TSBP1: variants seen among roughly 807,000 people sequenced by gnomAD.
The protein encoded by TSBP1 is testis-expressed basic protein 1.
TSBP1 carries 56 observed loss-of-function variants against 68.8 expected under a neutral mutation model. The ratio of observed to expected loss-of-function variants is 0.81; its 90% CI spans 0.66 to 1.02. The LOEUF (loss-of-function observed/expected upper bound fraction) is 1.02, where lower values mean the gene tolerates loss of function less well. TSBP1 is among the 50% of genes least tolerant of loss of function. The pLI is 0.00. For missense variants in TSBP1, 502 were observed against 641.2 expected, an observed-to-expected ratio of 0.78 and a Z score of 2.34; for synonymous variants, 171 against 208.7, an observed-to-expected ratio of 0.82 and a Z score of 1.56.
intron 9 of TSBP1, among the ~76,000 whole-genome samples, chr6:32,342,020 A>C (rs1288750708): frequency 6.7e-6 from 1 of 150,230 alleles, no homozygotes; most frequent in African/African-American, 2.4e-5. Context: ...CATTCCTGTC[A>C]CAGTCTTCCC....
chr6:32,330,190 C>T (rs920089497), intron 16 of TSBP1, among the ~76,000 whole-genome samples: 18 of 152,240 alleles, frequency 1.2e-4, no homozygotes, highest in African/African-American at 4.1e-4. Flanking sequence ...TGTCTTTTCT[C>T]CCTTTTGTAT....
At chr6:32,346,621 T>G (rs1284715846) in intron 9 of TSBP1, among the ~76,000 whole-genome samples, 4 of 152,168 alleles carry the variant, frequency 2.6e-5, no homozygotes, top group Admixed American at 1.3e-4. Flanking sequence ...GCAAATCACT[T>G]GAGGCCAGGA....
At chr6:32,324,482 T>A (rs1183217487) in intron 16 of TSBP1, 1 of 826,572 alleles carries the variant, frequency 1.2e-6, no homozygotes, top group South Asian at 1.5e-5. Flanking sequence ...AAATTGATAG[T>A]CTTAAAACTT....
At chr6:32,371,512 A>G (rs1389583651) in intron 1 of TSBP1, among the ~76,000 whole-genome samples, 182 bp downstream of exon 1, 1 of 152,210 alleles carries the variant, frequency 6.6e-6, no homozygotes, top group East Asian at 1.9e-4. Flanking sequence ...GAGCTTAGTT[A>G]ACTGTGGGTT....
Position 32,292,898 on chromosome 6 carries a change from G to T in TSBP1, c.*83C>A. On this transcript the variant is annotated 3_prime_UTR_variant, in exon 23 of 23. Transcript: ENST00000612031. The surrounding 1 kb of genome is among the most constrained non-coding windows in gnomAD (Gnocchi z 4.1). The stretch of plus-strand genomic sequence containing the variant: ...GGATTTTATAATTGTAATCTGTTTA[G>T]GCAATGGCTGGGATATGGTTTGTAT... The T allele has an allele frequency of 1.3e-6, 1 of 799,106 alleles. No individual in the cohort carries two copies. The highest frequency in any genetic ancestry group is 2.1e-6 in the Non-Finnish European group (1 of 487,434). The allele number at this position is 799,106 out of a possible 1,614,324, so 49.5% of individuals were successfully genotyped here.
intron 21 of TSBP1, 93 bp downstream of exon 24, chr6:32,300,585 GGT>G: frequency 9.9e-7 from 1 of 1,008,260 alleles, no homozygotes; most frequent in Non-Finnish European, 1.6e-6. Context: ...ACTGCTGTAA[GGT>G]AGAGGAACTC....
rs1562197648 is a variant in TSBP1 at position 32,366,315 on chromosome 6, A to G, written c.167-13T>C. On this transcript the variant is annotated splice_polypyrimidine_tract_variant and intron_variant, in intron 4 of 22. Transcript: ENST00000612031. ...GCATGTCGGGATCCTAAAAGAGAAG[A>G]TAAAAACATAATGAGATTTTACTTC... The G allele has an allele frequency of 6.3e-7, 1 of 1,596,696 alleles. No homozygotes were observed. The highest frequency in any genetic ancestry group is 8.5e-7 in the Non-Finnish European group (1 of 1,170,084).
At chr6:32,324,387 T>C (rs759756718) in intron 16 of TSBP1, 1 of 612,792 alleles carries the variant, frequency 1.6e-6, no homozygotes. Flanking sequence ...GCTTTGAAAT[T>C]TTGTAAAATT....
At position 32,333,306 on chromosome 6, in the gene TSBP1, TTA is replaced by T. The variant is rs1311310409; in HGVS notation, c.473-1254_473-1253del. Among the ~76,000 whole-genome samples the T allele has an allele frequency of 3.1e-4, 47 of 152,192 alleles. 1 individual carries two copies. The highest frequency in any genetic ancestry group is 1.1e-3 in the African/African-American group (46 of 41,540). The stretch of plus-strand genomic sequence containing the variant: ...ATTACTGCACCCAGCCGAAAGCCTG[TTA>T]TGTTATTTAGCAACACTGCTTACAT... On this transcript the variant is annotated intron_variant, in intron 14 of 22. Transcript: ENST00000612031. The surrounding 1 kb of genome is among the most constrained non-coding windows in gnomAD (Gnocchi z 4.2).
chr6:32,293,507 C>G, exon 23 of TSBP1: 1 of 1,610,514 alleles, frequency 6.2e-7, no homozygotes, highest in Non-Finnish European at 8.5e-7. Context: ...CTTTGAGACA[C>G]CAGACTGACT....
chr6:32,293,668 C>T (rs780634055), exon 23 of TSBP1: 8 of 1,612,524 alleles, frequency 5.0e-6, no homozygotes, highest in Non-Finnish European at 6.8e-6. Context: ...TTACTTGGGA[C>T]TCCTGTCCTC....
intron 4 of TSBP1, among the ~76,000 whole-genome samples, chr6:32,367,281 G>GAGAGAGAGA (rs1773863404): frequency 6.6e-6 from 1 of 151,472 alleles, no homozygotes; most frequent in Non-Finnish European, 1.5e-5. Context: ...GAGAGAGACA[G>GAGAGAGAGA]CCGAGGGAAC....
At chr6:32,355,669 T>C in exon 7 of TSBP1, 1 of 1,588,562 alleles carries the variant, frequency 6.3e-7, no homozygotes, top group Non-Finnish European at 8.5e-7. Flanking sequence ...TTTGGATCTC[T>C]CTGAAAACAT....
At chr6:32,364,685 A>G (rs959153292) in intron 6 of TSBP1, among the ~76,000 whole-genome samples, 2 of 151,646 alleles carry the variant, frequency 1.3e-5, no homozygotes, top group African/African-American at 4.8e-5. Flanking sequence ...CTTTCTTATA[A>G]CAATTGTTTT....
chr6:32,322,805 C>T (rs902251784), intron 18 of TSBP1, among the ~76,000 whole-genome samples: 1 of 152,152 alleles, frequency 6.6e-6, no homozygotes, highest in Non-Finnish European at 1.5e-5. Context: ...CCACTGGATC[C>T]TTGCACTATA....
intron 9 of TSBP1, among the ~76,000 whole-genome samples, chr6:32,341,698 G>A (rs1188943713): frequency 1.3e-5 from 2 of 152,072 alleles, no homozygotes; most frequent in East Asian, 1.9e-4. Context: ...CTTCCTTTTC[G>A]TTACTTTAAG....
rs7751715 is a variant in TSBP1 at position 32,321,175 on chromosome 6, G to A, written c.559+1942C>T. On this transcript the variant is annotated intron_variant, in intron 18 of 22. Coordinates refer to ENST00000612031, the Ensembl canonical transcript of TSBP1. The surrounding 1 kb of genome is among the most constrained non-coding windows in gnomAD (Gnocchi z 4.3). ...GTGCATGTGTCTTTATGATAGAATG[G>A]TTTATATTCCTTTGAGTCTATACCC... is the stretch of plus-strand genomic sequence containing the variant. 0.063 allele frequency among the ~76,000 whole-genome samples: 9,538 copies of A among 152,132 alleles called. 460 individuals are homozygous for A. Among genetic ancestry groups the A allele is most frequent in the Non-Finnish European group, 0.11 (7,236 of 67,972 alleles).
chr6:32,302,599 A>G lies in TSBP1; in HGVS notation c.601+10T>C. The G allele has an allele frequency of 6.5e-7, 1 of 1,528,398 alleles. No homozygotes were observed. The allele number at this position is 1,528,398 out of a possible 1,614,324, so 94.7% of individuals were successfully genotyped here. ...GAAACTAATGTAATAAAAATATATT[A>G]GGAACTTACTAGTGTGAACTTGAGG... On this transcript the variant is annotated intron_variant, in intron 20 of 22. Coordinates refer to ENST00000612031, the Ensembl canonical transcript of TSBP1. The surrounding 1 kb of genome is among the most constrained non-coding windows in gnomAD (Gnocchi z 5.1).
rs1473301667 is a variant in TSBP1 at position 32,333,019 on chromosome 6, T to TG, written c.473-966_473-965insC. Among the ~76,000 whole-genome samples, 1 of 150,294 alleles carries TG rather than the reference T, an allele frequency of 6.7e-6. No homozygotes were observed. Among genetic ancestry groups the TG allele is most frequent in the Non-Finnish European group, 1.5e-5 (1 of 67,440 alleles). Reference sequence around the variant, plus strand: ...CCTGTTATGTTTTTTTTGTTGTTGTTTTTTTTTTAGACAGAGTCTTACTCT... The same window carrying TG: ...CCTGTTATGTTTTTTTTGTTGTTGTTGTTTTTTTTAGACAGAGTCTTACTCT... On this transcript the variant is annotated intron_variant, in intron 14 of 22. Coordinates refer to ENST00000612031, the Ensembl canonical transcript of TSBP1. The surrounding 1 kb of genome is among the most constrained non-coding windows in gnomAD (Gnocchi z 4.2).
Sources: allele counts gnomAD v4.1 joint callset (sites outside exome capture counted in the v4.1 genomes callset), GRCh38; gene constraint gnomAD v4.1.1; non-coding constraint Gnocchi (gnomAD v3.1); transcripts MANE v1.5; gene names NCBI Gene and HGNC (gene_info 2026-07-23, HGNC 2026-07-21).